Variants in C16orf89 observed in about 807,000 individuals in gnomAD.
C16orf89 encodes the protein chromosome 16 open reading frame 89.
Under a neutral mutation model 41.5 loss-of-function variants are expected in C16orf89, and 57 were observed. That is an observed-to-expected ratio of 1.38 (90% CI 1.11 to 1.71). The LOEUF is 1.71. Among genes scored for constraint, C16orf89 ranks in the 40% most tolerant of loss-of-function variants. The pLI is 0.00. For missense variants in C16orf89, 575 were observed against 445.9 expected, an observed-to-expected ratio of 1.29 and a Z score of -2.61; for synonymous variants, 223 against 190.6, an observed-to-expected ratio of 1.17 and a Z score of -1.40.
chr16:5,049,354 T>C (rs145844620), intron 6 of C16orf89, among the ~76,000 whole-genome samples: 1 of 152,164 alleles, frequency 6.6e-6, no homozygotes, highest in African/African-American at 2.4e-5. Flanking sequence ...ACCAAATGAA[T>C]CTAACAGACA....
chr16:5,044,352 C>G lies in C16orf89; in HGVS notation c.1082G>C (p.Arg361Pro). The G allele has an allele frequency of 1.9e-6, 3 of 1,602,382 alleles. No individual in the cohort carries two copies. Among genetic ancestry groups the G allele is most frequent in the Non-Finnish European group, 2.6e-6 (3 of 1,175,158 alleles). Residue 361 changes from arginine to proline, a missense_variant, in exon 8 of 8, where the codon CGC (arginine) becomes CCC (proline). Transcript: ENST00000472572. The stretch of plus-strand genomic sequence containing the variant: ...GCTGGCATGGAACCGTCCGTCTCAG[C>G]GGCTGCTTGGTGGTGGCGGTGTGGA... ...HPSTPPPPSSR is the reference protein window; with the variant it reads ...HPSTPPPPSSP
intron 1 of C16orf89, among the ~76,000 whole-genome samples, chr16:5,065,052 G>C (rs765120326): frequency 3.3e-5 from 5 of 151,880 alleles, no homozygotes; most frequent in Non-Finnish European, 7.4e-5. Context: ...CTGTGTGCTT[G>C]TGTGTGTGTG....
chr16:5,054,350 T>C (rs1356262351), intron 6 of C16orf89, among the ~76,000 whole-genome samples: 2 of 152,182 alleles, frequency 1.3e-5, no homozygotes, highest in Non-Finnish European at 2.9e-5. Flanking sequence ...CATTGTCACA[T>C]GGCTGGGAAG....
At position 5,060,542 on chromosome 16, in the gene C16orf89, G is replaced by A. The variant is rs7204891; in HGVS notation, c.359-106C>T. On this transcript the variant is annotated intron_variant, in intron 2 of 7. Transcript: ENST00000472572. ...CCTGCAGCCCTGCCCACTGGCAGGTGCAGCTCAGGGCTCTAAGCCCTGTCC... is the reference window on the plus strand; with the variant it reads ...CCTGCAGCCCTGCCCACTGGCAGGTACAGCTCAGGGCTCTAAGCCCTGTCC... 4.8e-5 allele frequency: 57 copies of A among 1,180,104 alleles called. No homozygotes were observed. The African/African-American group carries it at 8.5e-4, about 18-fold the overall frequency. 73.1% of individuals were successfully genotyped at this position (1,180,104 alleles called of 1,614,324 possible).
chr16:5,065,644 G>T, intron 1 of C16orf89, 57 bp downstream of exon 1: 1 of 1,532,338 alleles, frequency 6.5e-7, no homozygotes, highest in Non-Finnish European at 9.0e-7. Flanking sequence ...CAGGGCAGGG[G>T]ACAAAGCTGA....
At chr16:5,061,077 A>C (rs1050809874) in intron 2 of C16orf89, among the ~76,000 whole-genome samples, 2 of 151,158 alleles carry the variant, frequency 1.3e-5, no homozygotes, top group African/African-American at 4.9e-5. Context: ...TCTGGCTAAC[A>C]CAGTGAAATC....
chr16:5,065,629 C>A, intron 1 of C16orf89, 72 bp downstream of exon 1: 1 of 1,483,752 alleles, frequency 6.7e-7, no homozygotes, highest in Non-Finnish European at 9.3e-7. Flanking sequence ...CCCAGGCGTA[C>A]AGAGCAGGGC....
At chr16:5,049,517 A>G (rs1184473293) in intron 6 of C16orf89, among the ~76,000 whole-genome samples, 2 of 152,240 alleles carry the variant, frequency 1.3e-5, no homozygotes, top group African/African-American at 2.4e-5. Flanking sequence ...CTTGACCACA[A>G]TGGAATAAAA....
chr16:5,052,017 C>T (rs1956405441), intron 6 of C16orf89, among the ~76,000 whole-genome samples: 1 of 146,556 alleles, frequency 6.8e-6, no homozygotes, highest in African/African-American at 2.5e-5. Context: ...GCAGGAGAAT[C>T]GCTTGAACCC....
In C16orf89 at chr16:5,044,248, G is replaced by T; in HGVS notation, c.*100C>A. The T allele has an allele frequency of 6.9e-7, 1 of 1,458,920 alleles. No homozygotes were observed. The highest frequency in any genetic ancestry group is 9.0e-7 in the Non-Finnish European group (1 of 1,110,006). 90.4% of individuals were successfully genotyped at this position (1,458,920 alleles called of 1,614,324 possible). ...GGGTGGCTTTGCTTATCCTCCAGAT[G>T]CCTTCTTCCCAGGATGTGATCCGTG... On this transcript the variant is annotated 3_prime_UTR_variant, in exon 8 of 8. Coordinates refer to ENST00000472572, the MANE Select transcript of C16orf89 (RefSeq NM_001098514.3).
chr16:5,056,621 G>C (rs948670532), intron 4 of C16orf89, among the ~76,000 whole-genome samples: 1 of 151,856 alleles, frequency 6.6e-6, no homozygotes, highest in Non-Finnish European at 1.5e-5. Flanking sequence ...CAGCTTCAGT[G>C]CTACTCAAAG....
At chr16:5,045,958 C>G (rs1297898170) in intron 7 of C16orf89, among the ~76,000 whole-genome samples, 1 of 152,172 alleles carries the variant, frequency 6.6e-6, no homozygotes, top group African/African-American at 2.4e-5. Context: ...GCTCCAGTCC[C>G]TAGGACAGTC....
chr16:5,064,428 A>G (rs941303908), intron 1 of C16orf89, among the ~76,000 whole-genome samples: 1 of 152,206 alleles, frequency 6.6e-6, no homozygotes, highest in Non-Finnish European at 1.5e-5. Context: ...CACTGGTAAG[A>G]TGACATATAC....
chr16:5,047,284 TAC>T (rs1391735630), intron 7 of C16orf89, among the ~76,000 whole-genome samples: 1 of 152,198 alleles, frequency 6.6e-6, no homozygotes, highest in Non-Finnish European at 1.5e-5. Context: ...TTTCAGCTCT[TAC>T]AACACCTCTG....
In C16orf89 at chr16:5,060,298, A is replaced by G; in HGVS notation, c.497T>C (p.Leu166Pro). The change falls in exon 3 of 8, where the codon CTG becomes CCG. Residue 166 changes from leucine to proline, a missense_variant. Leu to Pro is a moderately conservative substitution (Grantham distance 98). Coordinates refer to ENST00000472572, the MANE Select transcript of C16orf89 (RefSeq NM_001098514.3). Reference protein sequence around the residue: ...EERSDVCLVQLLGTGTDSSEP... With the variant: ...EERSDVCLVQPLGTGTDSSEP... The stretch of plus-strand genomic sequence containing the variant: ...GTGCAGGGCCCACCCGGTTCCCAGC[A>G]GCTGCACCAGGCACACGTCACTTCT... 3 of 1,610,068 alleles carry G rather than the reference A, an allele frequency of 1.9e-6. No individual in the cohort carries two copies. Among genetic ancestry groups the G allele is most frequent in the Non-Finnish European group, 2.5e-6 (3 of 1,178,016 alleles).
chr16:5,065,815 T>G lies in C16orf89; in HGVS notation c.94A>C (p.Lys32Gln). 1 of 1,614,200 alleles carries G rather than the reference T, an allele frequency of 6.2e-7. No individual in the cohort carries two copies. The highest frequency in any genetic ancestry group is 8.5e-7 in the Non-Finnish European group (1 of 1,180,002). The change falls in exon 1 of 8, where the codon AAA becomes CAA. Residue 32 changes from lysine (K) to glutamine (Q), a missense_variant. Physicochemically the swap from Lys to Gln is moderately conservative, Grantham distance 53. Transcript: ENST00000472572. The stretch of plus-strand genomic sequence containing the variant: ...AGGATCAGGTCTGCAATGGTGGCTT[T>G]ACTTTCAGCAGTGTCCAGCCCAGGC... ...SLPGLDTAES[K>Q]ATIADLILSA...
chr16:5,048,849 G>A (rs2142609905), intron 6 of C16orf89, among the ~76,000 whole-genome samples: 1 of 151,972 alleles, frequency 6.6e-6, no homozygotes, highest in South Asian at 2.1e-4. Flanking sequence ...GAAATGACAG[G>A]AGTAAGTCCT....
At chr16:5,052,201 A>G (rs1287687936) in intron 6 of C16orf89, among the ~76,000 whole-genome samples, 1 of 152,120 alleles carries the variant, frequency 6.6e-6, no homozygotes, top group Non-Finnish European at 1.5e-5. Flanking sequence ...CAACAGGTCT[A>G]TGAAAAACGC....
chr16:5,064,988 A>G (rs1056751060), intron 1 of C16orf89, among the ~76,000 whole-genome samples: 4 of 152,238 alleles, frequency 2.6e-5, no homozygotes, highest in Admixed American at 2.6e-4. Flanking sequence ...TTAGTGAACT[A>G]CAGCTTTTGC....
Sources: gnomAD v4.1 joint callset for allele counts (sites outside exome capture counted in the v4.1 genomes callset) on GRCh38, gnomAD v4.1.1 for gene constraint, MANE v1.5 for transcripts, NCBI Gene and HGNC (gene_info 2026-07-23, HGNC 2026-07-21) for gene names.